Variants in GREP1 observed in about 807,000 individuals in gnomAD.
GREP1 encodes glycine rich extracellular protein 1, also known as glycine-rich extracellular protein 1.
At chr16:2,995,636 C>A (rs1206243532) in exon 16 of GREP1, 8 of 398,754 alleles carry the variant, frequency 2.0e-5, no homozygotes. Context: ...AGCCCAGAAC[C>A]GATTTGGATT....
chr16:2,998,243 G>A (rs2072437280), intron 23 of GREP1, 113 bp from the exon 22 acceptor site: 3 of 398,170 alleles, frequency 7.5e-6, no homozygotes, highest in Middle Eastern at 6.2e-4. Flanking sequence ...ACCTGGCTGG[G>A]GCTCCTGCCA....
rs371423426 is a variant in GREP1 at position 2,990,806 on chromosome 16, C to A, written c.268+219C>A. Among the ~76,000 whole-genome samples the A allele has an allele frequency of 6.9e-4, 105 of 152,262 alleles. 3 individuals are homozygous for A. In the East Asian group the frequency reaches 0.017, roughly 25 times the overall value. On this transcript the variant is annotated intron_variant, in intron 7 of 34. Transcript: ENST00000573315. ...GTCTGGCTTGGTAAGGGGACAGGGGCACCTGGGCCTCACCCCTGCCTCAGC... is the reference window on the plus strand; with the variant it reads ...GTCTGGCTTGGTAAGGGGACAGGGGAACCTGGGCCTCACCCCTGCCTCAGC...
chr16:2,995,183 C>T (rs2072418264), intron 13 of GREP1, 101 bp from the exon 15 acceptor site: 1 of 319,928 alleles, frequency 3.1e-6, no homozygotes, highest in South Asian at 2.1e-4. Context: ...GGAGCAGGTC[C>T]TGAGGGGGAT....
At chr16:2,993,737 A>G (rs2072410415) in intron 10 of GREP1, 1 of 152,012 alleles carries the variant, frequency 6.6e-6, no homozygotes, top group African/African-American at 2.4e-5. Flanking sequence ...AGGCGGGTGG[A>G]TCACAAGGTC....
chr16:3,001,289 G>A (rs191676578), exon 34 of GREP1: 12 of 399,132 alleles, frequency 3.0e-5, no homozygotes, highest in African/African-American at 2.5e-4. Context: ...AGGGGGCCCC[G>A]ACGTGAAGAG....
chr16:2,994,547 C>A (rs2072414761), intron 10 of GREP1, 151 bp from the exon 12 acceptor site: 1 of 397,864 alleles, frequency 2.5e-6, no homozygotes, highest in East Asian at 3.6e-5. Flanking sequence ...CAAGATGTGG[C>A]AGGAGCTGGA....
chr16:2,996,356 C>T (rs2072424754), intron 18 of GREP1, 140 bp from the exon 18 acceptor site: 2 of 397,460 alleles, frequency 5.0e-6, no homozygotes, highest in Non-Finnish European at 8.9e-6. Flanking sequence ...GGCTCTGCCT[C>T]TGTGTCTCTC....
At chr16:2,999,498 T>A (rs2072446954) in intron 27 of GREP1, among the ~76,000 whole-genome samples, 2 of 150,042 alleles carry the variant, frequency 1.3e-5, no homozygotes, top group South Asian at 4.3e-4. Flanking sequence ...TTTTTTTTTT[T>A]TTTTTTGAGA....
At chr16:2,996,684 G>A (rs1447466942) in exon 20 of GREP1, 1 of 398,744 alleles carries the variant, frequency 2.5e-6, no homozygotes, top group Non-Finnish European at 4.4e-6. Flanking sequence ...CCTAGGAGCG[G>A]GGATGAAGCC....
At chr16:3,001,175 TGGGCCCTCCGGG>T (rs570635460) in intron 33 of GREP1, 94 bp from the exon 28 acceptor site, 1 of 399,014 alleles carries the variant, frequency 2.5e-6, no homozygotes, top group African/African-American at 2.1e-5. Flanking sequence ...AGCTGAGCCC[TGGGCCCTCCGGG>T]GAGGGGGTGT....
chr16:2,992,867 G>C lies in GREP1; in HGVS notation c.352+33G>C. 1 of 399,122 alleles carries C rather than the reference G, an allele frequency of 2.5e-6. No individual in the cohort carries two copies. 24.7% of individuals were successfully genotyped at this position (399,122 alleles called of 1,614,324 possible). ...GGGTGGGGACGGAAGCGGGGAGCCT[G>C]GGGCTGAGATTCTGGGCACAGGCCC... is the stretch of plus-strand genomic sequence containing the variant. On this transcript the variant is annotated intron_variant, in intron 9 of 34. Transcript: ENST00000573315. The surrounding 1 kb of genome is among the most constrained non-coding windows in gnomAD (Gnocchi z 4.9).
intron 10 of GREP1, chr16:2,994,060 G>T (rs1004082258): frequency 1.3e-5 from 2 of 152,432 alleles, no homozygotes; most frequent in Admixed American, 6.5e-5. Context: ...CCAGGGCCAC[G>T]CTGGGGCATA....
intron 4 of GREP1, 37 bp downstream of exon 4, chr16:2,990,043 C>G (rs1410176245): frequency 2.5e-6 from 1 of 399,566 alleles, no homozygotes; most frequent in Admixed American, 4.4e-5. Context: ...TTGTCTCCCC[C>G]TCTTTCTCTC....
At chr16:2,999,603 C>T (rs143710951) in intron 27 of GREP1, among the ~76,000 whole-genome samples, 1 of 151,956 alleles carries the variant, frequency 6.6e-6, no homozygotes, top group Non-Finnish European at 1.5e-5. Context: ...CAGGCACGCA[C>T]CACCATACCT....
chr16:2,998,949 C>T (rs985387945), exon 26 of GREP1: 1 of 399,030 alleles, frequency 2.5e-6, no homozygotes, highest in African/African-American at 2.1e-5. Flanking sequence ...ATCCCAGCCC[C>T]CTTCCGCAGT....
intron 13 of GREP1, 64 bp from the exon 15 acceptor site, chr16:2,995,220 G>C: frequency 2.5e-6 from 1 of 398,774 alleles, no homozygotes; most frequent in Non-Finnish European, 4.4e-6. Context: ...CAGATGCTGG[G>C]GTTCTGGGGT....
At position 2,988,648 on chromosome 16, in the gene GREP1, T is replaced by G. The variant is rs116201819; in HGVS notation, c.100+26T>G. The G allele has an allele frequency of 8.9e-4, 355 of 399,028 alleles. 1 individual carries two copies. The highest frequency in any genetic ancestry group is 6.6e-3 in the African/African-American group (322 of 48,680). 24.7% of individuals were successfully genotyped at this position (399,028 alleles called of 1,614,324 possible). A position where few individuals can be genotyped will look rare whatever the true frequency, so the allele number is the denominator to read the frequency against. ...GTAGGTGGGCCCTCTGGCACTGGGG[T>G]CAGGAAGAGTCTCCCATCTCTCCTG... is the stretch of plus-strand genomic sequence containing the variant. On this transcript the variant is annotated intron_variant, in intron 2 of 34. Transcript: ENST00000573315.
In GREP1 at chr16:2,995,536, C is replaced by T. The variant is rs555938970; in HGVS notation, c.554-83C>T. ...GCTGAGCTGGTGAATAACTGAAGGG[C>T]TGCTGGGAGGAAGCCTCCAGGATTC... On this transcript the variant is annotated intron_variant, in intron 15 of 34. Transcript: ENST00000573315. 472 of 398,706 alleles carry T rather than the reference C, an allele frequency of 1.2e-3. 6 individuals are homozygous for T. In the East Asian group the frequency reaches 0.017, roughly 14 times the overall value. The allele number at this position is 398,706 out of a possible 1,614,324, so 24.7% of individuals were successfully genotyped here. A position where few individuals can be genotyped will look rare whatever the true frequency, so the allele number is the denominator to read the frequency against.
intron 28 of GREP1, 49 bp from the exon 26 acceptor site, chr16:3,000,037 G>A (rs1446843390): frequency 7.5e-6 from 3 of 398,920 alleles, no homozygotes; most frequent in African/African-American, 2.1e-5. Flanking sequence ...GGCCAGGGCT[G>A]TGGCTCTCGC....
Sources: gnomAD v4.1 joint callset for allele counts (sites outside exome capture counted in the v4.1 genomes callset) on GRCh38, gnomAD v4.1.1 for gene constraint, Gnocchi (gnomAD v3.1) non-coding constraint, MANE v1.5 for transcripts, NCBI Gene and HGNC (gene_info 2026-07-23, HGNC 2026-07-21) for gene names.